FERRY3: variants seen among roughly 807,000 people sequenced by gnomAD.
The protein encoded by FERRY3 is protein C12orf4.
chr12:4,487,846 T>A, the FERRY3 span: 2 of 152,146 alleles, frequency 1.3e-5, no homozygotes, highest in Non-Finnish European at 2.9e-5. Flanking sequence ...AGGTACCTTC[T>A]TCACATCATT....
At chr12:4,533,439 A>T in the FERRY3 span, among the ~76,000 whole-genome samples, 1 of 152,160 alleles carries the variant, frequency 6.6e-6, no homozygotes, top group Admixed American at 6.5e-5. Flanking sequence ...TTCCACCACC[A>T]CCAACTTACC....
At chr12:4,501,978 T>A in the FERRY3 span, among the ~76,000 whole-genome samples, 1 of 152,304 alleles carries the variant, frequency 6.6e-6, no homozygotes, top group South Asian at 2.1e-4. Context: ...CAGTTACATA[T>A]GCTTTTGTTT....
At chr12:4,509,472 C>T in the FERRY3 span, 1,461 of 145,830 alleles carry the variant, frequency 0.01, 15 homozygotes, top group Middle Eastern at 0.01. Flanking sequence ...AAGACAGCAG[C>T]AACCTCTGCA....
chr12:4,536,064 T>C, the FERRY3 span: 1 of 1,608,180 alleles, frequency 6.2e-7, no homozygotes, highest in Non-Finnish European at 8.5e-7. Flanking sequence ...CAGACGTCCA[T>C]GCAAATGACT....
At chr12:4,517,608 A>T in the FERRY3 span, among the ~76,000 whole-genome samples, 1 of 150,110 alleles carries the variant, frequency 6.7e-6, no homozygotes, top group Non-Finnish European at 1.5e-5. Context: ...CAAATTTAGA[A>T]ATAATCATAA....
At chr12:4,509,044 G>C in the FERRY3 span, 1 of 151,478 alleles carries the variant, frequency 6.6e-6, no homozygotes, top group Admixed American at 6.6e-5. Flanking sequence ...GCAGGTCAGT[G>C]GGTGCGCGAG....
At chr12:4,504,625 A>G in the FERRY3 span, among the ~76,000 whole-genome samples, 2 of 152,242 alleles carry the variant, frequency 1.3e-5, no homozygotes, top group Admixed American at 6.5e-5. Flanking sequence ...GATTTTAGCT[A>G]TAAGGCTGAG....
the FERRY3 span, among the ~76,000 whole-genome samples, chr12:4,531,185 AC>A: frequency 3.3e-5 from 5 of 152,214 alleles, no homozygotes; most frequent in Non-Finnish European, 7.3e-5. Context: ...GACTAGCTGA[AC>A]CTAGAACTAC....
chr12:4,528,851 C>A, the FERRY3 span, among the ~76,000 whole-genome samples: 1 of 150,568 alleles, frequency 6.6e-6, no homozygotes, highest in Non-Finnish European at 1.5e-5. Context: ...AGGAACAAAC[C>A]AGCACATCTT....
At chr12:4,534,175 C>A in the FERRY3 span, 2 of 1,607,948 alleles carry the variant, frequency 1.2e-6, no homozygotes, top group Non-Finnish European at 1.7e-6. Flanking sequence ...AAGCTTTGGC[C>A]CATGTACTCG....
chr12:4,537,198 C>T, the FERRY3 span, among the ~76,000 whole-genome samples: 1 of 152,194 alleles, frequency 6.6e-6, no homozygotes. Flanking sequence ...ATGCCTTTTC[C>T]TTTGCCTAGA....
chr12:4,535,978 A>G, the FERRY3 span: 1 of 1,456,958 alleles, frequency 6.9e-7, no homozygotes, highest in South Asian at 1.4e-5. The surrounding 1 kb of genome is among the most constrained non-coding windows in gnomAD (Gnocchi z 4.0). Context: ...TATTGAAACT[A>G]ATAAAGTGGT....
the FERRY3 span, chr12:4,489,773 A>G: frequency 6.8e-7 from 1 of 1,465,706 alleles, no homozygotes; most frequent in Non-Finnish European, 9.5e-7. Context: ...GAGTTTAACA[A>G]TCATCTTCTG....
the FERRY3 span, among the ~76,000 whole-genome samples, chr12:4,531,044 A>C: frequency 6.6e-6 from 1 of 152,222 alleles, no homozygotes; most frequent in African/African-American, 2.4e-5. Flanking sequence ...ATATGACTTA[A>C]GAGTAATAAT....
the FERRY3 span, among the ~76,000 whole-genome samples, chr12:4,533,351 T>C: frequency 6.6e-6 from 1 of 152,212 alleles, no homozygotes; most frequent in Non-Finnish European, 1.5e-5. Flanking sequence ...CACCTCTTTA[T>C]ATTCGAACTT....
chr12:4,494,024 C>T, the FERRY3 span, among the ~76,000 whole-genome samples: 2 of 152,070 alleles, frequency 1.3e-5, no homozygotes, highest in East Asian at 1.9e-4. Context: ...ACCTGCAAGA[C>T]GGAGGTTGCA....
the FERRY3 span, among the ~76,000 whole-genome samples, chr12:4,526,070 C>G: frequency 2.0e-5 from 3 of 152,148 alleles, no homozygotes; most frequent in Non-Finnish European, 4.4e-5. Context: ...ATAAAATTTA[C>G]AGAGAGACGT....
chr12:4,536,379 T>A, the FERRY3 span, among the ~76,000 whole-genome samples: 1 of 150,938 alleles, frequency 6.6e-6, no homozygotes, highest in Non-Finnish European at 1.5e-5. Flanking sequence ...ATCTTCATGA[T>A]GAAAACAAAG....
the FERRY3 span, among the ~76,000 whole-genome samples, chr12:4,501,855 C>T: frequency 2.6e-5 from 4 of 152,240 alleles, no homozygotes; most frequent in African/African-American, 9.6e-5. Context: ...TTCCATGAAA[C>T]TGGTCCCTGG....
Sources: allele counts gnomAD v4.1 joint callset (sites outside exome capture counted in the v4.1 genomes callset), GRCh38; gene constraint gnomAD v4.1.1; non-coding constraint Gnocchi (gnomAD v3.1); transcripts MANE v1.5; gene names NCBI Gene and HGNC (gene_info 2026-07-23, HGNC 2026-07-21).